Variants in DIP2C observed in about 807,000 individuals in gnomAD.
The protein encoded by DIP2C is DIP2 acetate--CoA ligase C (putative).
A neutral mutation model predicts 192.4 loss-of-function variants in DIP2C; 33 were observed. The observed-to-expected ratio is 0.17, with a 90% CI of 0.13 to 0.23. The LOEUF (loss-of-function observed/expected upper bound fraction) is 0.23. DIP2C is among the 10% of genes least tolerant of loss of function. DIP2C has a pLI of 1.00. For missense variants in DIP2C, 1,537 were observed against 2,110.1 expected (o/e 0.73, Z 5.32); for synonymous variants, 979 against 864.1 (o/e 1.13, Z -2.33).
rs969011406 is a variant in DIP2C at position 600,456 on chromosome 10, C to G, written c.85+89038G>C. Among the ~76,000 whole-genome samples the G allele has an allele frequency of 9.2e-3, 1,100 of 119,610 alleles. 38 individuals carry two copies. Among genetic ancestry groups the G allele is most frequent in the African/African-American group, 0.049 (1,046 of 21,144 alleles). The allele number at this position is 119,610 out of a possible 152,430, so 78.5% of individuals were successfully genotyped here. ...CCAGGGTGTGCAGATGCTCCGGAGCCACCCGACAGCCCTTTCCACCTTAAA... is the reference window on the plus strand; with the variant it reads ...CCAGGGTGTGCAGATGCTCCGGAGCGACCCGACAGCCCTTTCCACCTTAAA... On this transcript the variant is annotated intron_variant, in intron 1 of 36. Coordinates refer to ENST00000280886, the MANE Select transcript of DIP2C (RefSeq NM_014974.3).
chr10:369,696 G>T (rs374050810), intron 17 of DIP2C, 63 bp from the exon 18 acceptor site: 1 of 1,612,700 alleles, frequency 6.2e-7, no homozygotes. Flanking sequence ...TCACAGATGT[G>T]CAGTCAGCAC....
At chr10:567,920 G>A (rs1466818542) in intron 1 of DIP2C, among the ~76,000 whole-genome samples, 1 of 152,188 alleles carries the variant, frequency 6.6e-6, no homozygotes, top group African/African-American at 2.4e-5. Context: ...GTGAGCAATC[G>A]CGCCTGGCCG....
At chr10:302,672 G>A (rs913220883) in intron 32 of DIP2C, among the ~76,000 whole-genome samples, 6 of 152,176 alleles carry the variant, frequency 3.9e-5, no homozygotes, top group Admixed American at 2.0e-4. Flanking sequence ...TGTATGGTAC[G>A]GCCAAGTGCT....
intron 1 of DIP2C, among the ~76,000 whole-genome samples, chr10:585,023 C>CA (rs1456306367): frequency 6.6e-6 from 1 of 151,680 alleles, no homozygotes; most frequent in Admixed American, 6.6e-5. Context: ...ACCTGGCCCC[C>CA]ACTCACGCAC....
chr10:624,205 C>T lies in DIP2C; in HGVS notation c.85+65289G>A, dbSNP rs184806465. The stretch of plus-strand genomic sequence containing the variant: ...GTTATCTCGGTCCCAGGGTCCCAAG[C>T]GGGGAAGGCCTGGGGCTCCCAGCTG... On this transcript the variant is annotated intron_variant, in intron 1 of 36. Transcript: ENST00000280886. Among the ~76,000 whole-genome samples the T allele has an allele frequency of 2.1e-3, 320 of 152,274 alleles. 1 individual carries two copies. The highest frequency in any genetic ancestry group is 3.6e-3 in the Non-Finnish European group (244 of 68,012).
chr10:356,406 A>AG lies in DIP2C; in HGVS notation c.2985+19dup. ...GCCCCTTGAGGCCAGTAGCCAGGGA[A>AG]GGCCAGCTCCGCGCCTCACCCGACA... On this transcript the variant is annotated intron_variant, in intron 24 of 36. Transcript: ENST00000280886. The AG allele has an allele frequency of 6.2e-7, 1 of 1,609,692 alleles. No homozygotes were observed. Among genetic ancestry groups the AG allele is most frequent in the Non-Finnish European group, 8.5e-7 (1 of 1,179,910 alleles).
chr10:321,585 C>T lies in DIP2C; in HGVS notation c.3924+5421G>A, dbSNP rs375577112. Among the ~76,000 whole-genome samples, 202 of 129,884 alleles carry T rather than the reference C, an allele frequency of 1.6e-3. 1 individual carries two copies. Among genetic ancestry groups the T allele is most frequent in the African/African-American group, 6.0e-3 (186 of 30,874 alleles). 85.2% of individuals were successfully genotyped at this position (129,884 alleles called of 152,430 possible). A position where few individuals can be genotyped will look rare whatever the true frequency, so the allele number is the denominator to read the frequency against. On this transcript the variant is annotated intron_variant, in intron 31 of 36. Coordinates refer to ENST00000280886, the MANE Select transcript of DIP2C (RefSeq NM_014974.3). Reference sequence around the variant, plus strand: ...AGAACAGTCAGTCGGGGGTGCGGGGCTCCAGCGAGAGACCGGCGCTGTTAG... The same window carrying T: ...AGAACAGTCAGTCGGGGGTGCGGGGTTCCAGCGAGAGACCGGCGCTGTTAG...
intron 1 of DIP2C, among the ~76,000 whole-genome samples, chr10:688,554 G>A (rs1831414502): frequency 6.6e-6 from 1 of 151,820 alleles, no homozygotes; most frequent in South Asian, 2.1e-4. Context: ...TGTGAGACGC[G>A]CCGGCCCACC....
intron 1 of DIP2C, among the ~76,000 whole-genome samples, chr10:582,480 G>A (rs1024291182): frequency 6.6e-6 from 1 of 152,234 alleles, no homozygotes; most frequent in African/African-American, 2.4e-5. Context: ...CTACTTGGGG[G>A]ACTGAGGTGG....
intron 7 of DIP2C, among the ~76,000 whole-genome samples, chr10:414,839 C>A (rs1468293016): frequency 5.5e-5 from 7 of 126,712 alleles, no homozygotes; most frequent in Non-Finnish European, 3.2e-5. Flanking sequence ...TATATATACA[C>A]ACACATATAT....
At chr10:661,286 C>A (rs79436423) in intron 1 of DIP2C, among the ~76,000 whole-genome samples, 1 of 152,228 alleles carries the variant, frequency 6.6e-6, no homozygotes, top group African/African-American at 2.4e-5. Context: ...ATGCCTGCCC[C>A]CTTTCTTCCG....
chr10:618,780 G>A (rs1250739705), intron 1 of DIP2C, among the ~76,000 whole-genome samples: 1 of 152,174 alleles, frequency 6.6e-6, no homozygotes, highest in Non-Finnish European at 1.5e-5. Context: ...ACACAGACAC[G>A]TGCAGACCAG....
rs561017272 is a variant in DIP2C, at chr10:486,750, G to A, written c.86-220C>T. ...ACTAAAACTCATTTGTTAAACACAC[G>A]CCTGTTTCTGGCCCCTTCTGTATTT... On this transcript the variant is annotated intron_variant, in intron 1 of 36. Coordinates refer to ENST00000280886, the MANE Select transcript of DIP2C (RefSeq NM_014974.3). 5.9e-5 allele frequency among the ~76,000 whole-genome samples: 9 copies of A among 152,232 alleles called. No individual in the cohort carries two copies. The South Asian group carries it at 6.2e-4, about 11-fold the overall frequency.
At chr10:365,012 T>C (rs1356031080) in intron 19 of DIP2C, 1 of 532,842 alleles carries the variant, frequency 1.9e-6, no homozygotes, top group Non-Finnish European at 3.8e-6. Flanking sequence ...TTGCCCTTGT[T>C]GGAAGTATGC....
intron 1 of DIP2C, among the ~76,000 whole-genome samples, chr10:635,840 C>T (rs1189688395): frequency 2.6e-5 from 4 of 152,162 alleles, no homozygotes; most frequent in Non-Finnish European, 1.5e-5. Context: ...CCCCCAGAGG[C>T]TGCCTCACCG....
At chr10:536,167 G>C (rs1847680299) in intron 1 of DIP2C, among the ~76,000 whole-genome samples, 1 of 152,186 alleles carries the variant, frequency 6.6e-6, no homozygotes, top group African/African-American at 2.4e-5. Context: ...ACCTCCTCCA[G>C]CATGTGCGCT....
At chr10:578,179 C>T (rs969234506) in intron 1 of DIP2C, among the ~76,000 whole-genome samples, 1 of 152,130 alleles carries the variant, frequency 6.6e-6, no homozygotes, top group Non-Finnish European at 1.5e-5. Flanking sequence ...CCAAACAGTA[C>T]CTGAAGATGA....
chr10:293,180 C>T (rs1395558718), intron 32 of DIP2C, among the ~76,000 whole-genome samples: 1 of 152,254 alleles, frequency 6.6e-6, no homozygotes, highest in African/African-American at 2.4e-5. Flanking sequence ...CTACTCAGCA[C>T]TGGCCTGATG....
At chr10:388,877 G>GTCAGGGAGCC (rs1963209852) in intron 13 of DIP2C, among the ~76,000 whole-genome samples, 1 of 152,214 alleles carries the variant, frequency 6.6e-6, no homozygotes, top group Non-Finnish European at 1.5e-5. Flanking sequence ...TCAAGGGGAT[G>GTCAGGGAGCC]TCAGGGAGCC....
Sources: gnomAD v4.1 joint callset for allele counts (sites outside exome capture counted in the v4.1 genomes callset) on GRCh38, gnomAD v4.1.1 for gene constraint, MANE v1.5 for transcripts, NCBI Gene and HGNC (gene_info 2026-07-23, HGNC 2026-07-21) for gene names.